Variants in ST18 observed in about 807,000 individuals in gnomAD.
ST18 encodes the protein suppression of tumorigenicity 18 protein.
In ST18, 50 loss-of-function variants were observed where a neutral mutation model predicts 110.0. That is an observed-to-expected ratio of 0.45 (90% confidence interval 0.36 to 0.58). The LOEUF (loss-of-function observed/expected upper bound fraction) is 0.58, where lower values mean the gene tolerates loss of function less well. ST18 is among the 20% of genes least tolerant of loss of function. ST18 has a pLI of 0.00. For synonymous variants in ST18, 461 were observed against 452.4 expected, an observed-to-expected ratio of 1.02 and a Z score of -0.24; for missense variants, 1,306 against 1,280.1, an observed-to-expected ratio of 1.02 and a Z score of -0.31.
chr8:52,290,626 T>TGTCTAGTTGA (rs1472738428), intron 2 of ST18, among the ~76,000 whole-genome samples: 1 of 152,144 alleles, frequency 6.6e-6, no homozygotes, highest in African/African-American at 2.4e-5. Flanking sequence ...CTTCTCAGTG[T>TGTCTAGTTGA]GTCTCTAGGA....
intron 2 of ST18, among the ~76,000 whole-genome samples, chr8:52,319,685 T>C (rs1356628430): frequency 6.6e-6 from 1 of 152,130 alleles, no homozygotes; most frequent in East Asian, 1.9e-4. Context: ...GAGACAGGAA[T>C]TTAGGAAGGG....
chr8:52,128,150 G>A (rs941171886), intron 22 of ST18, among the ~76,000 whole-genome samples: 1 of 152,228 alleles, frequency 6.6e-6, no homozygotes, highest in Admixed American at 6.5e-5. Flanking sequence ...TGTATTTTTA[G>A]TAGAGACGGG....
In ST18 at chr8:52,378,325, C is replaced by T. The variant is rs372017661; in HGVS notation, c.-465+31003G>A. Among the ~76,000 whole-genome samples, 42 of 152,170 alleles carry T rather than the reference C, an allele frequency of 2.8e-4. No homozygotes were observed. The South Asian group carries it at 3.3e-3, about 12-fold the overall frequency. On this transcript the variant is annotated intron_variant, in intron 2 of 25. Coordinates refer to ENST00000689386, the MANE Select transcript of ST18 (RefSeq NM_001352837.2). Reference sequence around the variant, plus strand: ...TCCAGTTACCCTGATTGACCATTACCTCTATGTCTGTATCAAAATATTACA... The same window carrying T: ...TCCAGTTACCCTGATTGACCATTACTTCTATGTCTGTATCAAAATATTACA...
rs1586166377 is a variant in ST18, at chr8:52,118,449, G to A, written c.2756-8C>T. On this transcript the variant is annotated splice_polypyrimidine_tract_variant and splice_region_variant and intron_variant, in intron 23 of 25. Transcript: ENST00000689386. The stretch of plus-strand genomic sequence containing the variant: ...CTTCATCACTCTCTATTCCTGTAAA[G>A]AGTAAGACTACCTTAGTTCAAACTG... 6.5e-7 allele frequency: 1 copy of A among 1,539,022 alleles called. No homozygotes were observed. Among genetic ancestry groups the A allele is most frequent in the Non-Finnish European group, 8.9e-7 (1 of 1,122,704 alleles).
chr8:52,391,523 T>C (rs1246612518), intron 2 of ST18, among the ~76,000 whole-genome samples: 2 of 152,246 alleles, frequency 1.3e-5, no homozygotes, highest in African/African-American at 4.8e-5. Context: ...CATGAGATTA[T>C]AATACCACAT....
In ST18 at chr8:52,123,961, C is replaced by T. The variant is rs139623636; in HGVS notation, c.2755+2091G>A. ...TCATAAGAAATATTTTCTTCATGCA[C>T]TGGGTTCCAGAAGGAGTTTTGCTCT... On this transcript the variant is annotated intron_variant, in intron 23 of 25. Transcript: ENST00000689386. Among the ~76,000 whole-genome samples, 542 of 152,294 alleles carry T rather than the reference C, an allele frequency of 3.6e-3. 2 individuals carry two copies. Among genetic ancestry groups the T allele is most frequent in the African/African-American group, 0.012 (511 of 41,566 alleles).
At chr8:52,215,127 A>G (rs1479352635) in intron 6 of ST18, among the ~76,000 whole-genome samples, 1 of 152,218 alleles carries the variant, frequency 6.6e-6, no homozygotes, top group East Asian at 1.9e-4. Flanking sequence ...AGTGGCTCCC[A>G]TCCTTAAATC....
chr8:52,309,128 A>G (rs1564462935), intron 2 of ST18, among the ~76,000 whole-genome samples: 1 of 152,228 alleles, frequency 6.6e-6, no homozygotes, highest in Non-Finnish European at 1.5e-5. Flanking sequence ...GTGAAGAACA[A>G]CAAAGCCAAG....
chr8:52,340,987 C>A (rs1316171263), intron 2 of ST18, among the ~76,000 whole-genome samples: 1 of 152,090 alleles, frequency 6.6e-6, no homozygotes, highest in African/African-American at 2.4e-5. Context: ...AGTTCTGGGG[C>A]CAAAAGTGTG....
At chr8:52,143,110 G>T in intron 16 of ST18, 65 bp from the exon 17 acceptor site, 2 of 1,034,790 alleles carry the variant, frequency 1.9e-6, no homozygotes, top group Admixed American at 2.0e-5. Flanking sequence ...AAGACAACTA[G>T]ATTTAAAATC....
At chr8:52,272,103 T>G (rs1451429250) in intron 2 of ST18, among the ~76,000 whole-genome samples, 1 of 152,192 alleles carries the variant, frequency 6.6e-6, no homozygotes, top group Non-Finnish European at 1.5e-5. Context: ...GTAAAACTCC[T>G]AGAAGAAAAC....
At chr8:52,311,416 T>TCCTG (rs1367371579) in intron 2 of ST18, among the ~76,000 whole-genome samples, 1 of 152,208 alleles carries the variant, frequency 6.6e-6, no homozygotes, top group Non-Finnish European at 1.5e-5. Context: ...GACCCTCACT[T>TCCTG]CCTGCCTGTG....
chr8:52,395,627 A>G (rs1037340331), intron 2 of ST18, among the ~76,000 whole-genome samples: 2 of 152,172 alleles, frequency 1.3e-5, no homozygotes, highest in Non-Finnish European at 2.9e-5. Context: ...AAAGAACTTA[A>G]CATGAGGAAG....
In ST18 at chr8:52,169,530, T is replaced by G. The variant is rs745444266; in HGVS notation, c.1069+2262A>C. On this transcript the variant is annotated intron_variant, in intron 10 of 25. Transcript: ENST00000689386. ...CTGGGGTAAAATGAGATTTTAAAACTCTTGAGTTTTCTCCTTAACAGTGAA... is the reference window on the plus strand; with the variant it reads ...CTGGGGTAAAATGAGATTTTAAAACGCTTGAGTTTTCTCCTTAACAGTGAA... Among the ~76,000 whole-genome samples, 41 of 152,186 alleles carry G rather than the reference T, an allele frequency of 2.7e-4. 1 individual carries two copies. Among genetic ancestry groups the G allele is most frequent in the Non-Finnish European group, 1.3e-4 (9 of 68,032 alleles).
At chr8:52,388,275 A>G (rs1280126412) in intron 2 of ST18, among the ~76,000 whole-genome samples, 1 of 151,952 alleles carries the variant, frequency 6.6e-6, no homozygotes, top group Non-Finnish European at 1.5e-5. Context: ...CGCTCCGAGC[A>G]CACCTTGAAT....
At chr8:52,258,226 GTTC>G (rs1229097191) in intron 2 of ST18, among the ~76,000 whole-genome samples, 4 of 152,172 alleles carry the variant, frequency 2.6e-5, no homozygotes, top group African/African-American at 9.6e-5. Flanking sequence ...CTCCAACTTT[GTTC>G]TTCTTTTCCA....
At chr8:52,214,065 G>A (rs1328419914) in intron 7 of ST18, 138 bp downstream of exon 7, 1 of 872,508 alleles carries the variant, frequency 1.1e-6, no homozygotes, top group African/African-American at 1.7e-5. Context: ...CCAAGAGCCA[G>A]TGTCCTGGCT....
At chr8:52,340,324 C>T (rs6990259) in intron 2 of ST18, among the ~76,000 whole-genome samples, 149,759 of 152,336 alleles carry the variant, frequency 0.98, 73,661 homozygotes, top group Middle Eastern at 1. Flanking sequence ...GCACATTTCA[C>T]TGGTGTACGT....
intron 3 of ST18, among the ~76,000 whole-genome samples, chr8:52,228,604 C>T (rs1288298020): frequency 1.3e-5 from 2 of 152,136 alleles, no homozygotes; most frequent in Non-Finnish European, 2.9e-5. Context: ...CTTTGCCAAA[C>T]TCACAGAGTG....
Sources: allele counts gnomAD v4.1 joint callset (sites outside exome capture counted in the v4.1 genomes callset), GRCh38; gene constraint gnomAD v4.1.1; transcripts MANE v1.5; gene names NCBI Gene and HGNC (gene_info 2026-07-23, HGNC 2026-07-21).